FAM118B: variants seen among roughly 807,000 people sequenced by gnomAD.
FAM118B encodes the protein SIR2 antiphage like 1.
In FAM118B, 24 loss-of-function variants were observed where a neutral mutation model predicts 38.5. The ratio of observed to expected loss-of-function variants is 0.62; its 90% confidence interval spans 0.45 to 0.88. FAM118B has a LOEUF of 0.88. FAM118B is among the 40% of genes least tolerant of loss of function. The pLI, the probability that FAM118B is intolerant of heterozygous loss-of-function variation, is 0.00. For synonymous variants in FAM118B, 138 were observed against 156.3 expected, an observed-to-expected ratio of 0.88 and a Z score of 0.87; for missense variants, 334 against 420.0, an observed-to-expected ratio of 0.80 and a Z score of 1.79.
At chr11:126,257,821 C>T (rs568296209) in intron 7 of FAM118B, among the ~76,000 whole-genome samples, 1 of 152,210 alleles carries the variant, frequency 6.6e-6, no homozygotes, top group African/African-American at 2.4e-5. Context: ...ATAGGGGTAT[C>T]ATACACTTGA....
chr11:126,217,151 C>G (rs764837053), intron 1 of FAM118B, among the ~76,000 whole-genome samples: 45 of 152,340 alleles, frequency 3.0e-4, no homozygotes, highest in Admixed American at 1.5e-3. Context: ...GTAGCCTCAG[C>G]CAGGAATCAC....
At chr11:126,254,660 CTT>C (rs1418116836) in intron 6 of FAM118B, among the ~76,000 whole-genome samples, 2 of 152,206 alleles carry the variant, frequency 1.3e-5, no homozygotes, top group South Asian at 2.1e-4. Context: ...TAGCGAGACT[CTT>C]GTCTTTACAA....
chr11:126,219,224 AG>A (rs774653004), intron 1 of FAM118B, among the ~76,000 whole-genome samples: 2 of 152,160 alleles, frequency 1.3e-5, no homozygotes, highest in Non-Finnish European at 2.9e-5. Flanking sequence ...ACGTAAGGAC[AG>A]AAGTTATCAT....
In FAM118B at chr11:126,257,359, T is replaced by C. The variant is rs903074481; in HGVS notation, c.982+507T>C. Among the ~76,000 whole-genome samples the C allele has an allele frequency of 1.2e-4, 18 of 152,156 alleles. 1 individual carries two copies. Among genetic ancestry groups the C allele is most frequent in the African/African-American group, 3.1e-4 (13 of 41,432 alleles). On this transcript the variant is annotated intron_variant, in intron 7 of 8. Coordinates refer to ENST00000533050, the MANE Select transcript of FAM118B (RefSeq NM_024556.4). ...ATTGGATGATTGCACAATCACACAA[T>C]TGTACAAAGATGCATGCGTGGGAAT...
rs1363559808 is a variant in FAM118B, at chr11:126,262,753, T to C, written c.*620T>C. On this transcript the variant is annotated 3_prime_UTR_variant, in exon 9 of 9. Coordinates refer to ENST00000533050, the MANE Select transcript of FAM118B (RefSeq NM_024556.4). ...ATAACCCAAAGTTTAAAGGTTCCGATCTTTCTCCTTGGGGTGGAGTGATCT... is the reference window on the plus strand; with the variant it reads ...ATAACCCAAAGTTTAAAGGTTCCGACCTTTCTCCTTGGGGTGGAGTGATCT... 1 of 152,536 alleles carries C rather than the reference T, an allele frequency of 6.6e-6. No individual in the cohort carries two copies. The highest frequency in any genetic ancestry group is 1.5e-5 in the Non-Finnish European group (1 of 68,048). 9.4% of individuals were successfully genotyped at this position (152,536 alleles called of 1,614,324 possible). A position where few individuals can be genotyped will look rare whatever the true frequency, so the allele number is the denominator to read the frequency against.
rs1171686014 is a variant in FAM118B, at chr11:126,252,712, C to T, written c.568-1593C>T. 6.6e-6 allele frequency among the ~76,000 whole-genome samples: 1 copy of T among 151,910 alleles called. No homozygotes were observed. Among genetic ancestry groups the T allele is most frequent in the Non-Finnish European group, 1.5e-5 (1 of 67,990 alleles). Reference sequence around the variant, plus strand: ...GAGTTGTGATCACACTGTTGCACTCCAGCCTGGGTGACAGCATAAGATCAT... The same window carrying T: ...GAGTTGTGATCACACTGTTGCACTCTAGCCTGGGTGACAGCATAAGATCAT... On this transcript the variant is annotated intron_variant, in intron 5 of 8. Coordinates refer to ENST00000533050, the MANE Select transcript of FAM118B (RefSeq NM_024556.4). The surrounding 1 kb of genome is among the most constrained non-coding windows in gnomAD (Gnocchi z 4.7).
chr11:126,254,220 C>T, intron 5 of FAM118B, 85 bp from the exon 6 acceptor site: 2 of 1,497,978 alleles, frequency 1.3e-6, no homozygotes, highest in Admixed American at 2.1e-5. Context: ...GAAGTCTAGT[C>T]CTCAAAACAG....
rs1012827762 is a variant in FAM118B at position 126,250,315 on chromosome 11, T to A, written c.340-191T>A. Among the ~76,000 whole-genome samples, 1 of 152,048 alleles carries A rather than the reference T, an allele frequency of 6.6e-6. No homozygotes were observed. The highest frequency in any genetic ancestry group is 6.6e-5 in the Admixed American group (1 of 15,258). ...ACCGTGTTAGCCAGGATGGTCTCGA[T>A]CTCCTGACCTCGTGATCCGCCCGCC... On this transcript the variant is annotated intron_variant, in intron 4 of 8. Coordinates refer to ENST00000533050, the MANE Select transcript of FAM118B (RefSeq NM_024556.4). This position sits in a 1 kb window ranked among gnomAD's most constrained non-coding sequence, Gnocchi z 5.1.
intron 7 of FAM118B, chr11:126,260,832 TATCC>T (rs1487182204): frequency 6.6e-6 from 1 of 152,354 alleles, no homozygotes; most frequent in Non-Finnish European, 1.5e-5. Context: ...TGCCAAGTGT[TATCC>T]AGTAGAATTT....
intron 3 of FAM118B, among the ~76,000 whole-genome samples, chr11:126,240,127 G>A (rs1950336245): frequency 6.6e-6 from 1 of 152,106 alleles, no homozygotes; most frequent in Non-Finnish European, 1.5e-5. Flanking sequence ...CTCACATATG[G>A]GCCTCAGAAC....
intron 1 of FAM118B, among the ~76,000 whole-genome samples, chr11:126,223,203 G>A (rs12293354): frequency 0.18 from 27,449 of 152,068 alleles, 2,755 homozygotes; most frequent in Middle Eastern, 0.29. Context: ...CCGGACACTG[G>A]ATCATGCCAG....
chr11:126,245,983 C>A, intron 4 of FAM118B, among the ~76,000 whole-genome samples: 1 of 142,792 alleles, frequency 7.0e-6, no homozygotes. Flanking sequence ...GCAACAGGTA[C>A]GAGACTCCGT....
chr11:126,243,083 G>A (rs1565334661), intron 4 of FAM118B, among the ~76,000 whole-genome samples: 1 of 152,160 alleles, frequency 6.6e-6, no homozygotes, highest in Non-Finnish European at 1.5e-5. Context: ...AAAACATTAA[G>A]TAAAAGAAGC....
At chr11:126,219,518 C>T (rs1224362947) in intron 1 of FAM118B, among the ~76,000 whole-genome samples, 1 of 151,748 alleles carries the variant, frequency 6.6e-6, no homozygotes, top group Admixed American at 6.6e-5. Flanking sequence ...CATATGCCAC[C>T]ACATCTGGCT....
chr11:126,211,881 C>G, intron 1 of FAM118B, 51 bp downstream of exon 1: 1 of 531,968 alleles, frequency 1.9e-6, no homozygotes, highest in South Asian at 2.5e-5. Context: ...GGTGCCTCAA[C>G]GGTTTAACGT....
intron 1 of FAM118B, among the ~76,000 whole-genome samples, chr11:126,217,165 TTC>T (rs1196086280): frequency 6.6e-6 from 1 of 152,262 alleles, no homozygotes; most frequent in Non-Finnish European, 1.5e-5. Context: ...GAATCACTTA[TTC>T]TCTCATCAAT....
intron 1 of FAM118B, among the ~76,000 whole-genome samples, chr11:126,225,027 A>C (rs924458081): frequency 6.6e-6 from 1 of 152,188 alleles, no homozygotes; most frequent in African/African-American, 2.4e-5. Flanking sequence ...GATCTCTTTT[A>C]TGTGAATAAG....
At chr11:126,214,030 TTAAAG>T (rs1257707545) in intron 1 of FAM118B, among the ~76,000 whole-genome samples, 1 of 152,184 alleles carries the variant, frequency 6.6e-6, no homozygotes, top group African/African-American at 2.4e-5. Context: ...ACTTGGTGAT[TTAAAG>T]TAGAGTTGTT....
At position 126,216,408 on chromosome 11, in the gene FAM118B, C is replaced by A. The variant is rs567619027; in HGVS notation, c.-77+4578C>A. Among the ~76,000 whole-genome samples, 3 of 152,232 alleles carry A rather than the reference C, an allele frequency of 2.0e-5. No homozygotes were observed. The East Asian group carries it at 5.8e-4, about 29-fold the overall frequency. ...AAACCCAACAAAACAAAAACCGTTT[C>A]TCTGCCCTCCCTACCTCAAAGTCCC... On this transcript the variant is annotated intron_variant, in intron 1 of 8. Transcript: ENST00000533050.
Sources: gnomAD v4.1 joint callset for allele counts (sites outside exome capture counted in the v4.1 genomes callset) on GRCh38, gnomAD v4.1.1 for gene constraint, Gnocchi (gnomAD v3.1) non-coding constraint, MANE v1.5 for transcripts, NCBI Gene and HGNC (gene_info 2026-07-23, HGNC 2026-07-21) for gene names.